EPHB2: variants seen among roughly 807,000 people sequenced by gnomAD.
EPHB2 encodes the protein EPH receptor B2, also known as ephrin type-B receptor 2.
EPHB2 carries 18 observed loss-of-function variants against 96.4 expected under a neutral mutation model. That is an observed-to-expected ratio of 0.19 (90% CI 0.13 to 0.28). The LOEUF (loss-of-function observed/expected upper bound fraction) is 0.28. EPHB2 is among the 10% of genes least tolerant of loss of function. The pLI is 1.00. For missense variants in EPHB2, 989 were observed against 1,355.4 expected (o/e 0.73, Z 4.25); for synonymous variants, 506 against 534.1 (o/e 0.95, Z 0.72).
At chr1:22,767,170 C>T (rs1459542317) in intron 1 of EPHB2, among the ~76,000 whole-genome samples, 1 of 152,186 alleles carries the variant, frequency 6.6e-6, no homozygotes, top group Non-Finnish European at 1.5e-5. Context: ...GGCCTCAGGC[C>T]CAGTCCAAAA....
chr1:22,910,257 A>C (rs1011609091), intron 13 of EPHB2, 125 bp from the exon 14 acceptor site: 2 of 1,244,274 alleles, frequency 1.6e-6, no homozygotes, highest in Non-Finnish European at 2.3e-6. Flanking sequence ...CCAGGAGGTG[A>C]AAGTGGTTGC....
chr1:22,842,972 T>C (rs937212833), intron 3 of EPHB2, among the ~76,000 whole-genome samples: 1 of 152,168 alleles, frequency 6.6e-6, no homozygotes, highest in African/African-American at 2.4e-5. Context: ...ATTTATCTAA[T>C]ACCTGTTTAT....
chr1:22,746,084 T>C (rs1366236881), intron 1 of EPHB2, among the ~76,000 whole-genome samples: 1 of 152,158 alleles, frequency 6.6e-6, no homozygotes, highest in East Asian at 1.9e-4. Flanking sequence ...GTCCCTGCCC[T>C]GGGCCAGGCA....
At chr1:22,810,159 A>G (rs1644982422) in intron 3 of EPHB2, among the ~76,000 whole-genome samples, 1 of 152,138 alleles carries the variant, frequency 6.6e-6, no homozygotes, top group Non-Finnish European at 1.5e-5. Context: ...GGGTTGGACT[A>G]GGCAGCTCTT....
In EPHB2 at chr1:22,790,231, G is replaced by A. The variant is rs1644671606; in HGVS notation, c.811+5155G>A. 6.6e-6 allele frequency among the ~76,000 whole-genome samples: 1 copy of A among 152,132 alleles called. No individual in the cohort carries two copies. The highest frequency in any genetic ancestry group is 2.4e-5 in the African/African-American group (1 of 41,422). On this transcript the variant is annotated intron_variant, in intron 3 of 15. Transcript: ENST00000374630. This position sits in a 1 kb window ranked among gnomAD's most constrained non-coding sequence, Gnocchi z 4.0. ...GTGACAGTACAAGGCATATTTGATG[G>A]GTAGAAAGGGCTTTGCAGTGTATAG...
intron 3 of EPHB2, among the ~76,000 whole-genome samples, chr1:22,856,667 C>G (rs918069827): frequency 3.3e-5 from 5 of 152,166 alleles, no homozygotes; most frequent in African/African-American, 1.2e-4. Context: ...AGGGCGGTCA[C>G]TTCACTCTCC....
Position 22,863,133 on chromosome 1 carries a change from G to C in EPHB2, c.908G>C (p.Cys303Ser). The change falls in exon 4 of 16, where the codon TGT becomes TCT. Residue 303 changes from cysteine to serine, a missense_variant. Physicochemically the swap from Cys to Ser is moderately radical, Grantham distance 112. Coordinates refer to ENST00000374630, the MANE Select transcript of EPHB2 (RefSeq NM_017449.5). ...ACCACTTCTGAAGGGGCCACCAACT[G>C]TGTCTGCCGCAATGGCTACTACAGA... The part of the protein sequence containing the change: ...SRTTSEGATN[C>S]VCRNGYYRAD... 1 of 1,614,180 alleles carries C rather than the reference G, an allele frequency of 6.2e-7. No homozygotes were observed. Among genetic ancestry groups the C allele is most frequent in the Non-Finnish European group, 8.5e-7 (1 of 1,180,030 alleles).
At chr1:22,782,265 G>T (rs531191724) in intron 2 of EPHB2, among the ~76,000 whole-genome samples, 1 of 152,202 alleles carries the variant, frequency 6.6e-6, no homozygotes, top group Non-Finnish European at 1.5e-5. Flanking sequence ...CCTGCAAAGT[G>T]TCTAACACAA....
chr1:22,835,723 G>A (rs1380612925), intron 3 of EPHB2: 1 of 152,210 alleles, frequency 6.6e-6, no homozygotes, highest in Admixed American at 6.5e-5. Context: ...GCACGGTAAG[G>A]GGTACCTGAC....
intron 1 of EPHB2, among the ~76,000 whole-genome samples, chr1:22,774,118 C>A (rs1644415411): frequency 3.9e-5 from 6 of 152,164 alleles, no homozygotes; most frequent in Admixed American, 3.9e-4. Flanking sequence ...TGTGGCGTGC[C>A]CTTCCCTCTC....
At chr1:22,878,310 A>G (rs566817349) in intron 5 of EPHB2, among the ~76,000 whole-genome samples, 2 of 152,340 alleles carry the variant, frequency 1.3e-5, no homozygotes, top group African/African-American at 4.8e-5. Flanking sequence ...AAGTCCTAAA[A>G]TGGGAGCTTG....
At position 22,879,105 on chromosome 1, in the gene EPHB2, C is replaced by T. The variant is rs548212794; in HGVS notation, c.1304-3254C>T. ...TCTCACCCCAGAACTGTCCTCAGGCCCCTGGAGGCAGGGGTGGGAGGCATC... is the reference window on the plus strand; with the variant it reads ...TCTCACCCCAGAACTGTCCTCAGGCTCCTGGAGGCAGGGGTGGGAGGCATC... On this transcript the variant is annotated intron_variant, in intron 5 of 15. Coordinates refer to ENST00000374630, the MANE Select transcript of EPHB2 (RefSeq NM_017449.5). Among the ~76,000 whole-genome samples, 932 of 152,282 alleles carry T rather than the reference C, an allele frequency of 6.1e-3. 4 individuals carry two copies. Among genetic ancestry groups the T allele is most frequent in the African/African-American group, 0.02 (848 of 41,552 alleles).
intron 2 of EPHB2, among the ~76,000 whole-genome samples, chr1:22,783,602 C>T (rs1644565392): frequency 6.6e-6 from 1 of 152,220 alleles, no homozygotes; most frequent in Non-Finnish European, 1.5e-5. Flanking sequence ...GTGCAAAAGA[C>T]TCAGCAGTGG....
intron 3 of EPHB2, among the ~76,000 whole-genome samples, chr1:22,810,323 T>C (rs749450597): frequency 2.8e-4 from 43 of 152,202 alleles, no homozygotes; most frequent in Non-Finnish European, 4.7e-4. Flanking sequence ...CCTCCACTGT[T>C]CTCCTGTTTC....
At chr1:22,723,384 C>T (rs561951748) in intron 1 of EPHB2, among the ~76,000 whole-genome samples, 5 of 152,362 alleles carry the variant, frequency 3.3e-5, no homozygotes, top group East Asian at 1.9e-4. Flanking sequence ...TCTCCGTCAG[C>T]GTCAGCTGTC....
intron 3 of EPHB2, among the ~76,000 whole-genome samples, chr1:22,811,035 G>A (rs1160747683): frequency 2.0e-5 from 3 of 152,156 alleles, no homozygotes; most frequent in Non-Finnish European, 1.5e-5. Context: ...TCCTGTCTCA[G>A]CTTGACAACC....
chr1:22,772,550 T>G (rs1379748537), intron 1 of EPHB2, among the ~76,000 whole-genome samples: 1 of 152,230 alleles, frequency 6.6e-6, no homozygotes, highest in African/African-American at 2.4e-5. Flanking sequence ...TGCATTCTTC[T>G]AGGAGCTAGT....
chr1:22,892,317 C>T (rs1427791333), intron 6 of EPHB2, among the ~76,000 whole-genome samples: 1 of 152,212 alleles, frequency 6.6e-6, no homozygotes, highest in Non-Finnish European at 1.5e-5. Flanking sequence ...TCAGGATCTG[C>T]ACATAGGAAC....
At chr1:22,851,160 C>G (rs1426333118) in intron 3 of EPHB2, among the ~76,000 whole-genome samples, 1 of 152,074 alleles carries the variant, frequency 6.6e-6, no homozygotes, top group Non-Finnish European at 1.5e-5. Context: ...ACGCCCAGCT[C>G]ATTTTTTAAA....
Sources: allele counts gnomAD v4.1 joint callset (sites outside exome capture counted in the v4.1 genomes callset), GRCh38; gene constraint gnomAD v4.1.1; non-coding constraint Gnocchi (gnomAD v3.1); transcripts MANE v1.5; gene names NCBI Gene and HGNC (gene_info 2026-07-23, HGNC 2026-07-21).